The following ARK2C variants were observed in gnomAD, a reference collection of about 807,000 sequenced individuals.
The protein encoded by ARK2C is arkadia (RNF111) C-terminal like ring finger ubiquitin ligase 2C.
the ARK2C span, among the ~76,000 whole-genome samples, chr18:46,414,172 G>A: frequency 6.6e-6 from 1 of 152,210 alleles, no homozygotes; most frequent in East Asian, 1.9e-4. Context: ...GAGAGGCCAG[G>A]CTGCTTGCCT....
At chr18:46,435,709 C>T in the ARK2C span, among the ~76,000 whole-genome samples, 14 of 152,236 alleles carry the variant, frequency 9.2e-5, no homozygotes, top group Admixed American at 3.3e-4. Flanking sequence ...GGGATATGAA[C>T]CAGTGGTCCC....
the ARK2C span, among the ~76,000 whole-genome samples, chr18:46,375,318 C>T: frequency 3.9e-5 from 6 of 152,088 alleles, no homozygotes; most frequent in East Asian, 1.9e-4. Flanking sequence ...TTTGGGAGGC[C>T]GAAGTGGGTG....
At chr18:46,384,529 C>T in the ARK2C span, among the ~76,000 whole-genome samples, 73 of 152,158 alleles carry the variant, frequency 4.8e-4, no homozygotes, top group Non-Finnish European at 4.4e-4. Flanking sequence ...GGATACACAC[C>T]CCATGATACA....
At chr18:46,433,312 C>T in the ARK2C span, 1 of 1,612,014 alleles carries the variant, frequency 6.2e-7, no homozygotes, top group East Asian at 2.2e-5. Context: ...GCAGTCGCAG[C>T]CAGGCCTCAG....
the ARK2C span, among the ~76,000 whole-genome samples, chr18:46,435,568 C>T: frequency 6.6e-6 from 1 of 152,192 alleles, no homozygotes; most frequent in East Asian, 1.9e-4. Flanking sequence ...GATGGTCCCA[C>T]GTGAGCCTGG....
At chr18:46,414,469 T>TAC in the ARK2C span, among the ~76,000 whole-genome samples, 13 of 151,972 alleles carry the variant, frequency 8.6e-5, no homozygotes, top group Admixed American at 1.3e-4. Context: ...GACATACATG[T>TAC]ACACACACAC....
chr18:46,336,983 C>T, the ARK2C span: 26 of 985,274 alleles, frequency 2.6e-5, no homozygotes, highest in African/African-American at 3.5e-5. Context: ...ATGGCCATAG[C>T]GTCTTAATTG....
chr18:46,454,200 T>A, the ARK2C span, among the ~76,000 whole-genome samples: 10 of 149,782 alleles, frequency 6.7e-5, no homozygotes, highest in Admixed American at 1.3e-4. Context: ...CAAGGTAATA[T>A]TAAGCTAAAA....
At chr18:46,387,981 A>G in the ARK2C span, among the ~76,000 whole-genome samples, 1 of 152,208 alleles carries the variant, frequency 6.6e-6, no homozygotes, top group Non-Finnish European at 1.5e-5. Context: ...CAATCCCCAC[A>G]GGCTGGGGAT....
At chr18:46,434,934 C>A in the ARK2C span, among the ~76,000 whole-genome samples, 1 of 151,932 alleles carries the variant, frequency 6.6e-6, no homozygotes, top group South Asian at 2.1e-4. Context: ...CTGTAGGAGG[C>A]GAGTCTGTGT....
the ARK2C span, chr18:46,385,655 C>G: frequency 2.0e-5 from 3 of 152,148 alleles, no homozygotes; most frequent in Non-Finnish European, 4.4e-5. Context: ...TGTCAGCTGT[C>G]CCCCTTTGGA....
chr18:46,337,489 G>C, the ARK2C span: 1 of 985,140 alleles, frequency 1.0e-6, no homozygotes, highest in Non-Finnish European at 1.2e-6. Context: ...CGTGTAGCCC[G>C]GGCCATCTGC....
the ARK2C span, among the ~76,000 whole-genome samples, chr18:46,384,205 C>G: frequency 2.0e-5 from 3 of 152,172 alleles, no homozygotes; most frequent in Non-Finnish European, 2.9e-5. Context: ...CTGGGCCAAC[C>G]CCTCCCTCCA....
chr18:46,337,327 A>AT, the ARK2C span: 5 of 985,208 alleles, frequency 5.1e-6, no homozygotes, highest in Non-Finnish European at 6.0e-6. Flanking sequence ...TTTGTGGGTA[A>AT]TTTTTTCTGT....
the ARK2C span, among the ~76,000 whole-genome samples, chr18:46,455,704 CA>C: frequency 6.6e-6 from 1 of 152,178 alleles, no homozygotes; most frequent in Middle Eastern, 3.4e-3. Flanking sequence ...GGCATGATGG[CA>C]AGTGCCTGTA....
chr18:46,452,556 A>G, the ARK2C span, among the ~76,000 whole-genome samples: 1 of 152,210 alleles, frequency 6.6e-6, no homozygotes, highest in Non-Finnish European at 1.5e-5. Flanking sequence ...TTGAGATTAC[A>G]GGCATGAGCC....
chr18:46,346,697 G>A, the ARK2C span, among the ~76,000 whole-genome samples: 2 of 152,148 alleles, frequency 1.3e-5, no homozygotes, highest in African/African-American at 2.4e-5. Context: ...TATAAAGTAC[G>A]AGACACCCGA....
chr18:46,397,221 T>C, the ARK2C span, among the ~76,000 whole-genome samples: 1 of 152,172 alleles, frequency 6.6e-6, no homozygotes, highest in African/African-American at 2.4e-5. Context: ...CTTCCCTCCT[T>C]CAGCCTTTCC....
At chr18:46,449,862 C>A in the ARK2C span, among the ~76,000 whole-genome samples, 3 of 151,992 alleles carry the variant, frequency 2.0e-5, no homozygotes, top group African/African-American at 7.3e-5. Flanking sequence ...TGAACTAAAC[C>A]AAAAGGTGAA....
Sources: allele counts gnomAD v4.1 joint callset (sites outside exome capture counted in the v4.1 genomes callset), GRCh38; gene constraint gnomAD v4.1.1; transcripts MANE v1.5; gene names NCBI Gene and HGNC (gene_info 2026-07-23, HGNC 2026-07-21).